The following NEMF variants were observed in gnomAD, a reference collection of about 807,000 sequenced individuals.
The protein encoded by NEMF is ribosome quality control complex subunit NEMF.
Under a neutral mutation model 162.2 loss-of-function variants are expected in NEMF, and 89 were observed. The ratio of observed to expected loss-of-function variants is 0.55; its 90% CI spans 0.46 to 0.65. The LOEUF (loss-of-function observed/expected upper bound fraction) is 0.65, where lower values mean the gene tolerates loss of function less well. NEMF is among the 30% of genes least tolerant of loss of function. NEMF has a pLI of 0.00. For missense variants in NEMF, 1,133 were observed against 1,261.9 expected, an observed-to-expected ratio of 0.90 and a Z score of 1.55; for synonymous variants, 421 against 404.5, an observed-to-expected ratio of 1.04 and a Z score of -0.49.
At chr14:49,803,997 T>C (rs958476117) in intron 19 of NEMF, among the ~76,000 whole-genome samples, 1 of 151,360 alleles carries the variant, frequency 6.6e-6, no homozygotes, top group Non-Finnish European at 1.5e-5. Flanking sequence ...TTTTTGATAA[T>C]AAAGTTTTGC....
rs540857923 is a variant in NEMF, at chr14:49,792,240, G to C, written c.2620-2667C>G. Among the ~76,000 whole-genome samples the C allele has an allele frequency of 2.2e-4, 33 of 152,116 alleles. No individual in the cohort carries two copies. The South Asian group carries it at 6.6e-3, about 31-fold the overall frequency. Reference sequence around the variant, plus strand: ...AAGGAACAATCTCCGTTTTTTGACAGAGTTCTTGCTCTGTCACCCAGGCTG... The same window carrying C: ...AAGGAACAATCTCCGTTTTTTGACACAGTTCTTGCTCTGTCACCCAGGCTG... On this transcript the variant is annotated intron_variant, in intron 26 of 32. Coordinates refer to ENST00000298310, the MANE Select transcript of NEMF (RefSeq NM_004713.6).
chr14:49,785,016 A>T lies in NEMF; in HGVS notation c.3074-12T>A. On this transcript the variant is annotated splice_polypyrimidine_tract_variant and intron_variant, in intron 31 of 32. Transcript: ENST00000298310. ...GGCTGTTTTTGCAGCTGTAAATACA[A>T]AAAAGAGTAAGAATAATCTACTGTT... 6.2e-7 allele frequency: 1 copy of T among 1,612,246 alleles called. No individual in the cohort carries two copies. Among genetic ancestry groups the T allele is most frequent in the South Asian group, 1.1e-5 (1 of 91,032 alleles).
chr14:49,807,078 A>C (rs1394856298), intron 18 of NEMF, among the ~76,000 whole-genome samples: 1 of 152,134 alleles, frequency 6.6e-6, no homozygotes, highest in Non-Finnish European at 1.5e-5. Context: ...GCAATTACTA[A>C]TCTATTTTCT....
chr14:49,783,381 A>G lies in NEMF; in HGVS notation c.*1255T>C, dbSNP rs1890006695. ...CAATATAATAAAGGTTTTTTTTTTT[A>G]AACATTAATATTCACATTATGACGA... On this transcript the variant is annotated 3_prime_UTR_variant, in exon 33 of 33. Transcript: ENST00000298310. 1 of 151,418 alleles carries G rather than the reference A, an allele frequency of 6.6e-6. No individual in the cohort carries two copies. 9.4% of individuals were successfully genotyped at this position (151,418 alleles called of 1,614,324 possible).
Position 49,829,226 on chromosome 14 carries a change from T to G in NEMF, c.1060A>C (p.Asn354His), listed in dbSNP as rs1419880974. 1 of 1,614,174 alleles carries G rather than the reference T, an allele frequency of 6.2e-7. No homozygotes were observed. Residue 354 changes from asparagine (N) to histidine (H), a missense_variant, in exon 13 of 33, where the codon AAC (asparagine) becomes CAC (histidine). Transcript: ENST00000298310. Reference sequence around the variant, plus strand: ...ATGGCTCTGTCAACTATTTGTAGGTTCATTTCTATGAGCTCTCCTTTCAGT... The same window carrying G: ...ATGGCTCTGTCAACTATTTGTAGGTGCATTTCTATGAGCTCTCCTTTCAGT... The part of the protein sequence containing the change: ...DKLKGELIEM[N>H]LQIVDRAIQV...
Position 49,782,700 on chromosome 14 carries a change from T to C in NEMF, c.*1936A>G. ...TGGATTATTTAAGGGCAATAAAACT[T>C]CATTGCTATAACCAGTTCCTATGAA... On this transcript the variant is annotated 3_prime_UTR_variant, in exon 33 of 33. Coordinates refer to ENST00000298310, the MANE Select transcript of NEMF (RefSeq NM_004713.6). 1 of 1,369,736 alleles carries C rather than the reference T, an allele frequency of 7.3e-7. No homozygotes were observed. The highest frequency in any genetic ancestry group is 1.0e-6 in the Non-Finnish European group (1 of 999,138). 84.8% of individuals were successfully genotyped at this position (1,369,736 alleles called of 1,614,324 possible). A position where few individuals can be genotyped will look rare whatever the true frequency, so the allele number is the denominator to read the frequency against.
chr14:49,806,151 A>G lies in NEMF; in HGVS notation c.1745-18T>C, dbSNP rs751216801. On this transcript the variant is annotated intron_variant, in intron 18 of 32. Coordinates refer to ENST00000298310, the MANE Select transcript of NEMF (RefSeq NM_004713.6). The stretch of plus-strand genomic sequence containing the variant: ...GGGTTCTCCTAGAATAACAATGCAT[A>G]ATGTTTCAATACCAAAGTATGGACT... The G allele has an allele frequency of 6.4e-7, 1 of 1,572,560 alleles. No individual in the cohort carries two copies. The highest frequency in any genetic ancestry group is 1.7e-5 in the Admixed American group (1 of 58,602).
chr14:49,845,713 G>C (rs920795060), intron 4 of NEMF, among the ~76,000 whole-genome samples: 2 of 152,204 alleles, frequency 1.3e-5, no homozygotes, highest in Non-Finnish European at 2.9e-5. Flanking sequence ...TCAGGATCAA[G>C]ATGTCACTAA....
intron 4 of NEMF, among the ~76,000 whole-genome samples, chr14:49,841,196 CAAAAA>C (rs34039009): frequency 3.5e-5 from 2 of 56,798 alleles, no homozygotes; most frequent in African/African-American, 7.5e-5. Flanking sequence ...AACTCTGTCT[CAAAAA>C]AAAAAAAAAA....
At position 49,851,602 on chromosome 14, in the gene NEMF, C is replaced by T. The variant is rs753590459; in HGVS notation, c.192G>A (p.Glu64=). 4 of 1,613,954 alleles carry T rather than the reference C, an allele frequency of 2.5e-6. No homozygotes were observed. The highest frequency in any genetic ancestry group is 1.1e-5 in the South Asian group (1 of 91,082). Residue 64 remains glutamate (E), a synonymous_variant, in exon 3 of 33, where the codon GAG becomes GAA. Coordinates refer to ENST00000298310, the MANE Select transcript of NEMF (RefSeq NM_004713.6). The part of the protein sequence containing the change: ...SGIRIHTTEF[E]WPKNMMPSSF... ...TAGACGGCATCATATTCTTAGGCCA[C>T]TCAAATTCTGTTGTATGAATTCGTA...
Position 49,782,394 on chromosome 14 carries a change from C to T in NEMF, c.*2242G>A, listed in dbSNP as rs1453554261. ...GGTTATGGCACACAGCTTGTGCCAG[C>T]GATGAAGGAGAAGTAATTGTTTTTG... On this transcript the variant is annotated 3_prime_UTR_variant, in exon 33 of 33. Transcript: ENST00000298310. 3 of 1,612,270 alleles carry T rather than the reference C, an allele frequency of 1.9e-6. No individual in the cohort carries two copies. The highest frequency in any genetic ancestry group is 2.2e-5 in the East Asian group (1 of 44,836).
chr14:49,787,336 G>A (rs2139820020), intron 28 of NEMF, among the ~76,000 whole-genome samples: 1 of 152,352 alleles, frequency 6.6e-6, no homozygotes, highest in Admixed American at 6.5e-5. Context: ...TGAAGGCTGG[G>A]AAGTCCAGCA....
At chr14:49,845,704 C>T (rs531763542) in intron 4 of NEMF, among the ~76,000 whole-genome samples, 4 of 152,320 alleles carry the variant, frequency 2.6e-5, no homozygotes, top group African/African-American at 9.6e-5. Flanking sequence ...TACACAGAGT[C>T]AGGATCAAGA....
At chr14:49,816,003 TAGTG>T (rs1201203612) in intron 16 of NEMF, among the ~76,000 whole-genome samples, 1 of 151,966 alleles carries the variant, frequency 6.6e-6, no homozygotes, top group South Asian at 2.1e-4. Context: ...ATAAAAAAGA[TAGTG>T]AGAGATCCTG....
intron 1 of NEMF, among the ~76,000 whole-genome samples, 199 bp downstream of exon 1, chr14:49,852,496 G>A (rs989360833): frequency 1.3e-5 from 2 of 152,258 alleles, no homozygotes; most frequent in African/African-American, 2.4e-5. Flanking sequence ...GGGGGATGGG[G>A]CACGAGGTGC....
At chr14:49,823,665 A>C (rs1892199463) in intron 16 of NEMF, among the ~76,000 whole-genome samples, 1 of 152,200 alleles carries the variant, frequency 6.6e-6, no homozygotes, top group South Asian at 2.1e-4. Flanking sequence ...AAAAGAAAGC[A>C]GAGGTCAGGC....
intron 18 of NEMF, among the ~76,000 whole-genome samples, chr14:49,809,658 G>A (rs1189862056): frequency 2.0e-5 from 3 of 151,642 alleles, no homozygotes; most frequent in Admixed American, 6.6e-5. Flanking sequence ...TCAGGAGTTC[G>A]AGACCAGCCT....
intron 15 of NEMF, among the ~76,000 whole-genome samples, chr14:49,827,444 T>A (rs963011585): frequency 7.9e-5 from 12 of 151,862 alleles, no homozygotes; most frequent in Non-Finnish European, 1.3e-4. Context: ...GCCTCGGCCT[T>A]CCAAAGTGCT....
chr14:49,786,777 T>C (rs756971163), intron 28 of NEMF, 27 bp from the exon 29 acceptor site: 1 of 1,604,406 alleles, frequency 6.2e-7, no homozygotes, highest in Non-Finnish European at 8.5e-7. Flanking sequence ...AAAATAAAAA[T>C]GTCAGCTATA....
Sources: allele counts gnomAD v4.1 joint callset (sites outside exome capture counted in the v4.1 genomes callset), GRCh38; gene constraint gnomAD v4.1.1; transcripts MANE v1.5; gene names NCBI Gene and HGNC (gene_info 2026-07-23, HGNC 2026-07-21).